GALNT1: variants seen among roughly 807,000 people sequenced by gnomAD.
The protein encoded by GALNT1 is GalNAc transferase 1.
Under a neutral mutation model 65.7 loss-of-function variants are expected in GALNT1, and 17 were observed. That is an observed-to-expected ratio of 0.26 (90% CI 0.18 to 0.39). GALNT1 has a LOEUF of 0.39. Among genes scored for constraint, GALNT1 ranks in the 10% least tolerant of loss-of-function variants. The pLI is 1.00. For missense variants in GALNT1, 460 were observed against 672.8 expected, an observed-to-expected ratio of 0.68 and a Z score of 3.50; for synonymous variants, 210 against 219.7, an observed-to-expected ratio of 0.96 and a Z score of 0.39.
At chr18:35,651,113 TC>T (rs1161764251) in intron 1 of GALNT1, among the ~76,000 whole-genome samples, 1 of 152,138 alleles carries the variant, frequency 6.6e-6, no homozygotes, top group African/African-American at 2.4e-5. Flanking sequence ...CCGTTCGGGG[TC>T]CCTGACTTCC....
intron 1 of GALNT1, among the ~76,000 whole-genome samples, chr18:35,619,711 G>A (rs8083987): frequency 0.095 from 14,465 of 152,190 alleles, 814 homozygotes; most frequent in African/African-American, 0.17. Flanking sequence ...TCTGCGCTCA[G>A]TAGTGTCGTT....
intron 1 of GALNT1, among the ~76,000 whole-genome samples, chr18:35,615,338 G>A (rs767130253): frequency 2.6e-5 from 4 of 152,064 alleles, no homozygotes; most frequent in Non-Finnish European, 4.4e-5. Flanking sequence ...TACAAATCAA[G>A]GAAATGGAAT....
At chr18:35,590,242 A>G (rs753559988) in intron 1 of GALNT1, among the ~76,000 whole-genome samples, 19 of 152,300 alleles carry the variant, frequency 1.2e-4, no homozygotes, top group Non-Finnish European at 1.8e-4. Flanking sequence ...CAAGTGATCC[A>G]TTTGTTGTTC....
chr18:35,684,906 A>C (rs781368249), intron 5 of GALNT1, among the ~76,000 whole-genome samples: 2 of 152,326 alleles, frequency 1.3e-5, no homozygotes, highest in South Asian at 4.1e-4. Context: ...GGTTAATAGC[A>C]AACACCTGTA....
intron 1 of GALNT1, among the ~76,000 whole-genome samples, chr18:35,646,821 G>A (rs912378050): frequency 6.6e-6 from 1 of 152,136 alleles, no homozygotes. Context: ...CCTCTCCTTT[G>A]AGCCCTGTGT....
Position 35,654,645 on chromosome 18 carries a change from C to A in GALNT1, c.-18C>A. 2 of 1,318,604 alleles carry A rather than the reference C, an allele frequency of 1.5e-6. No individual in the cohort carries two copies. 81.7% of individuals were successfully genotyped at this position (1,318,604 alleles called of 1,614,324 possible). ...TATATATATATATTTTTAAATTTTG[C>A]ATTTGACTTAAAGTGCCATGAGAAA... On this transcript the variant is annotated 5_prime_UTR_variant, in exon 2 of 12. The change creates a premature stop within an existing upstream ORF in the 5' untranslated region. Transcript: ENST00000269195.
At chr18:35,634,673 C>G (rs959989130) in intron 1 of GALNT1, among the ~76,000 whole-genome samples, 1 of 152,188 alleles carries the variant, frequency 6.6e-6, no homozygotes, top group Non-Finnish European at 1.5e-5. Flanking sequence ...ATGTAGGCAT[C>G]TCCTGCCTAA....
chr18:35,635,277 C>G (rs1225794313), intron 1 of GALNT1, among the ~76,000 whole-genome samples: 1 of 152,182 alleles, frequency 6.6e-6, no homozygotes, highest in Admixed American at 6.5e-5. Flanking sequence ...GTGTTACAGT[C>G]CAGAGTTCTT....
At chr18:35,671,502 T>G (rs900586954) in intron 3 of GALNT1, among the ~76,000 whole-genome samples, 1 of 152,240 alleles carries the variant, frequency 6.6e-6, no homozygotes, top group Non-Finnish European at 1.5e-5. Context: ...TATGACTTGA[T>G]CTACATGTAT....
intron 3 of GALNT1, among the ~76,000 whole-genome samples, chr18:35,668,904 AAAGTAT>A (rs1474143226): frequency 6.6e-6 from 1 of 152,208 alleles, no homozygotes; most frequent in Non-Finnish European, 1.5e-5. Context: ...CAGAGAAAAG[AAAGTAT>A]AAGTTCTATA....
chr18:35,599,201 C>T (rs1223764608), intron 1 of GALNT1, among the ~76,000 whole-genome samples: 1 of 151,924 alleles, frequency 6.6e-6, no homozygotes, highest in African/African-American at 2.4e-5. Flanking sequence ...TTCCTTTGCT[C>T]TGCAGAAGCT....
chr18:35,701,388 T>C (rs2048161208), intron 9 of GALNT1, among the ~76,000 whole-genome samples: 1 of 152,230 alleles, frequency 6.6e-6, no homozygotes, highest in East Asian at 1.9e-4. Flanking sequence ...GAAATTCTTT[T>C]TCAAGTGAGA....
upstream of GALNT1, chr18:35,581,629 C>T (rs2046316254): frequency 0.019 from 3 of 154 alleles, no homozygotes; most frequent in Admixed American, 0.1. Context: ...CCCGAGCCCG[C>T]GAGCGGGGCG....
chr18:35,609,768 C>T (rs776585472), intron 1 of GALNT1, among the ~76,000 whole-genome samples: 1 of 152,090 alleles, frequency 6.6e-6, no homozygotes, highest in Non-Finnish European at 1.5e-5. Context: ...ATCAACTGCC[C>T]ACTCTTTGCT....
rs140100473 is a variant in GALNT1 at position 35,628,350 on chromosome 18, G to T, written c.-103-26210G>T. Among the ~76,000 whole-genome samples, 70 of 152,286 alleles carry T rather than the reference G, an allele frequency of 4.6e-4. No individual in the cohort carries two copies. In the East Asian group the frequency reaches 0.012, roughly 27 times the overall value. Reference sequence around the variant, plus strand: ...GCAGACTGACACTTCACACGGCCGGGTACCCCTCTGAGCTGAAACTTCCAG... The same window carrying T: ...GCAGACTGACACTTCACACGGCCGGTTACCCCTCTGAGCTGAAACTTCCAG... On this transcript the variant is annotated intron_variant, in intron 1 of 11. Coordinates refer to ENST00000269195, the MANE Select transcript of GALNT1 (RefSeq NM_020474.4).
chr18:35,601,169 T>A (rs879563230), intron 1 of GALNT1, among the ~76,000 whole-genome samples: 2 of 152,102 alleles, frequency 1.3e-5, no homozygotes, highest in Non-Finnish European at 2.9e-5. Flanking sequence ...TGTTTTAATT[T>A]TGATGGGTCT....
At chr18:35,604,110 A>G (rs1239898767) in intron 1 of GALNT1, among the ~76,000 whole-genome samples, 5 of 151,702 alleles carry the variant, frequency 3.3e-5, no homozygotes, top group Non-Finnish European at 7.4e-5. Flanking sequence ...CCCAGTATCT[A>G]TTTTTACCCT....
chr18:35,658,801 C>T (rs2047434594), intron 2 of GALNT1, among the ~76,000 whole-genome samples: 1 of 151,728 alleles, frequency 6.6e-6, no homozygotes, highest in Admixed American at 6.6e-5. Flanking sequence ...CCTCCGTCTC[C>T]TGGGTTCAAG....
chr18:35,639,329 T>G (rs796960426), intron 1 of GALNT1, among the ~76,000 whole-genome samples: 2 of 152,294 alleles, frequency 1.3e-5, no homozygotes, highest in South Asian at 4.1e-4. Flanking sequence ...GCAAAAAAAT[T>G]ACGATTCGCT....
Sources: allele counts gnomAD v4.1 joint callset (sites outside exome capture counted in the v4.1 genomes callset), GRCh38; gene constraint gnomAD v4.1.1; transcripts MANE v1.5; gene names NCBI Gene and HGNC (gene_info 2026-07-23, HGNC 2026-07-21).